The following PMS1 variants were observed in gnomAD, a reference collection of about 807,000 sequenced individuals.
PMS1 encodes the protein PMS1 protein homolog 1.
Under a neutral mutation model 93.1 loss-of-function variants are expected in PMS1, and 79 were observed. That is an observed-to-expected ratio of 0.85 (90% confidence interval 0.71 to 1.02). The LOEUF (loss-of-function observed/expected upper bound fraction) is 1.02, where lower values mean the gene tolerates loss of function less well. Among genes scored for constraint, PMS1 ranks in the 50% least tolerant of loss-of-function variants. The pLI is 0.00. For missense variants in PMS1, 1,064 were observed against 1,085.3 expected (o/e 0.98, Z 0.28); for synonymous variants, 335 against 363.4 (o/e 0.92, Z 0.89).
chr2:189,828,373 C>T (rs1575168188), intron 5 of PMS1, among the ~76,000 whole-genome samples: 1 of 152,102 alleles, frequency 6.6e-6, no homozygotes, highest in African/African-American at 2.4e-5. Context: ...GTAATTGCCC[C>T]GATTTGATCA....
At chr2:189,872,883 C>T (rs5743182) in intron 11 of PMS1, among the ~76,000 whole-genome samples, 3,061 of 152,248 alleles carry the variant, frequency 0.02, 112 homozygotes, top group African/African-American at 0.07. Flanking sequence ...ATCTGCCTGC[C>T]TCGGCCTCCC....
rs2056300980 is a variant in PMS1 at position 189,863,889 on chromosome 2, T to TA, written c.2008dup (p.Thr670AsnfsTer5). On this transcript the variant is annotated frameshift_variant, in exon 10 of 13. Transcript: ENST00000441310. LOFTEE classifies it high-confidence loss of function. ...TGGAATTTGGCCCAGAAGCACAAGT[T>TA]AAAAACCTCATTATCTAATCAACCA... 1.2e-6 allele frequency: 2 copies of TA among 1,614,020 alleles called. No homozygotes were observed. Among genetic ancestry groups the TA allele is most frequent in the Non-Finnish European group, 1.7e-6 (2 of 1,179,970 alleles).
rs951437077 is a variant in PMS1, at chr2:189,877,493, A to G, written c.*57A>G. The G allele has an allele frequency of 2.6e-6, 3 of 1,168,796 alleles. No individual in the cohort carries two copies. In the African/African-American group the frequency reaches 4.6e-5, roughly 18 times the overall value. 72.4% of individuals were successfully genotyped at this position (1,168,796 alleles called of 1,614,324 possible). A position where few individuals can be genotyped will look rare whatever the true frequency, so the allele number is the denominator to read the frequency against. ...GAAATTGGTTCTGTCATAAAACAGC[A>G]TGAGTCTGGTTTTAAATTATCTTTG... On this transcript the variant is annotated 3_prime_UTR_variant, in exon 13 of 13. Transcript: ENST00000441310.
intron 3 of PMS1, among the ~76,000 whole-genome samples, chr2:189,798,756 G>GT (rs2049587934): frequency 4.8e-5 from 6 of 125,226 alleles, no homozygotes; most frequent in Admixed American, 1.6e-4. Context: ...ATAAGTATTT[G>GT]ATTTTTTTTT....
In PMS1 at chr2:189,853,977, A is replaced by G. The variant is rs2055056075; in HGVS notation, c.861A>G (p.Glu287=). 1.4e-5 allele frequency: 22 copies of G among 1,604,642 alleles called. No individual in the cohort carries two copies. The highest frequency in any genetic ancestry group is 2.2e-5 in the East Asian group (1 of 44,540). The part of the protein sequence containing the change: ...RHHYNLKCLK[E]STRLYPVFFL... ...ATTACAATCTGAAATGCCTAAAGGA[A>G]TCTACTCGTTTGTATCCTGTTTTCT... Residue 287 remains glutamate, a synonymous_variant, in exon 8 of 13, where the codon GAA becomes GAG. Transcript: ENST00000441310.
At chr2:189,815,701 C>G (rs2051237139) in intron 4 of PMS1, among the ~76,000 whole-genome samples, 1 of 152,052 alleles carries the variant, frequency 6.6e-6, no homozygotes, top group South Asian at 2.1e-4. Context: ...TGAGAAGGAA[C>G]GGACTAATAC....
At chr2:189,798,614 C>T (rs1310434991) in intron 3 of PMS1, among the ~76,000 whole-genome samples, 3 of 152,136 alleles carry the variant, frequency 2.0e-5, no homozygotes, top group Non-Finnish European at 4.4e-5. Flanking sequence ...GAATCCACAA[C>T]CCTGGATCTT....
In PMS1 at chr2:189,795,750, G is replaced by GT. The variant is rs2049299055; in HGVS notation, c.133-13dup. The GT allele has an allele frequency of 6.3e-7, 1 of 1,593,040 alleles. No homozygotes were observed. The highest frequency in any genetic ancestry group is 8.6e-7 in the Non-Finnish European group (1 of 1,160,928). On this transcript the variant is annotated intron_variant, in intron 2 of 12. Transcript: ENST00000441310. ...TTTAATATTTTTACATATTAAAAGT[G>GT]TTTTTTGACATTTTATAGGAGAACT...
Position 189,795,765 on chromosome 2 carries a change from A to G in PMS1, c.133-4A>G, listed in dbSNP as rs745746605. 3.1e-6 allele frequency: 5 copies of G among 1,610,898 alleles called. No homozygotes were observed. Among genetic ancestry groups the G allele is most frequent in the Non-Finnish European group, 4.2e-6 (5 of 1,177,078 alleles). On this transcript the variant is annotated splice_polypyrimidine_tract_variant and splice_region_variant and intron_variant, in intron 2 of 12. Coordinates refer to ENST00000441310, the MANE Select transcript of PMS1 (RefSeq NM_000534.5). ...TATTAAAAGTGTTTTTTGACATTTT[A>G]TAGGAGAACTATGGATTTGATAAAA...
At chr2:189,848,826 T>C (rs1393314585) in intron 6 of PMS1, among the ~76,000 whole-genome samples, 1 of 152,192 alleles carries the variant, frequency 6.6e-6, no homozygotes, top group Non-Finnish European at 1.5e-5. Context: ...ACTCCATTCT[T>C]TCTGGGCTTA....
intron 5 of PMS1, among the ~76,000 whole-genome samples, chr2:189,824,332 G>A (rs1451024913): frequency 6.6e-6 from 1 of 151,922 alleles, no homozygotes; most frequent in East Asian, 1.9e-4. Flanking sequence ...GTTGATGGAA[G>A]CTTTACTTTT....
chr2:189,842,936 G>A (rs967328745), intron 5 of PMS1, among the ~76,000 whole-genome samples: 3 of 146,452 alleles, frequency 2.0e-5, no homozygotes, highest in African/African-American at 7.8e-5. Context: ...ATTTAAAAGG[G>A]CTCACATTTT....
At chr2:189,825,545 G>A (rs1230379856) in intron 5 of PMS1, among the ~76,000 whole-genome samples, 1 of 152,152 alleles carries the variant, frequency 6.6e-6, no homozygotes, top group Non-Finnish European at 1.5e-5. Flanking sequence ...AACATAATGT[G>A]AAATGTATGA....
chr2:189,797,262 G>T (rs1191866106), intron 3 of PMS1, among the ~76,000 whole-genome samples: 1 of 152,122 alleles, frequency 6.6e-6, no homozygotes, highest in Non-Finnish European at 1.5e-5. Context: ...GGGCAGATTG[G>T]ATTTAAGAAC....
chr2:189,810,782 T>A (rs1265940199), intron 4 of PMS1, among the ~76,000 whole-genome samples: 1 of 152,180 alleles, frequency 6.6e-6, no homozygotes, highest in African/African-American at 2.4e-5. Context: ...AAGAGATATA[T>A]TCTTCACTCT....
At chr2:189,798,757 A>ATTTTTTTTT (rs757864750) in intron 3 of PMS1, among the ~76,000 whole-genome samples, 4 of 79,928 alleles carry the variant, frequency 5.0e-5, no homozygotes, top group Non-Finnish European at 5.2e-5. Flanking sequence ...TAAGTATTTG[A>ATTTTTTTTT]TTTTTTTTTT....
chr2:189,875,441 T>C lies in PMS1; in HGVS notation c.2634+1785T>C, dbSNP rs76837893. Among the ~76,000 whole-genome samples the C allele has an allele frequency of 3.9e-5, 6 of 151,918 alleles. No homozygotes were observed. In the East Asian group the frequency reaches 1.2e-3, roughly 29 times the overall value. ...CATGGTACTGTATTTTCTATCACAG[T>C]TGGGGTCGGAAAAACATCCATGTAT... On this transcript the variant is annotated intron_variant, in intron 12 of 12. Transcript: ENST00000441310.
chr2:189,789,943 G>C (rs978187505), intron 1 of PMS1, among the ~76,000 whole-genome samples: 1 of 152,162 alleles, frequency 6.6e-6, no homozygotes, highest in Non-Finnish European at 1.5e-5. Context: ...ATGCTTTACA[G>C]ATGGAATTTC....
intron 3 of PMS1, among the ~76,000 whole-genome samples, chr2:189,798,497 C>G (rs1439495165): frequency 1.3e-5 from 2 of 152,218 alleles, no homozygotes. Flanking sequence ...TTTTCCTCAG[C>G]ACTCGCTTTA....
Sources: allele counts gnomAD v4.1 joint callset (sites outside exome capture counted in the v4.1 genomes callset), GRCh38; gene constraint gnomAD v4.1.1; transcripts MANE v1.5; gene names NCBI Gene and HGNC (gene_info 2026-07-23, HGNC 2026-07-21).